IMPACT: variants seen among roughly 807,000 people sequenced by gnomAD.
The protein encoded by IMPACT is impact RWD domain protein.
Under a neutral mutation model 47.5 loss-of-function variants are expected in IMPACT, and 35 were observed. The ratio of observed to expected loss-of-function variants is 0.74; its 90% CI spans 0.56 to 0.98. The LOEUF (loss-of-function observed/expected upper bound fraction) is 0.98. Among genes scored for constraint, IMPACT ranks in the 50% least tolerant of loss-of-function variants. The probability of loss-of-function intolerance (pLI) is 0.00; values close to 1 mark genes in which losing one functional copy is unlikely to be tolerated. For missense variants in IMPACT, 373 were observed against 394.8 expected, an observed-to-expected ratio of 0.94 and a Z score of 0.47; for synonymous variants, 118 against 125.6, an observed-to-expected ratio of 0.94 and a Z score of 0.40.
intron 4 of IMPACT, among the ~76,000 whole-genome samples, chr18:24,433,358 C>T (rs1189598082): frequency 6.7e-6 from 1 of 149,660 alleles, no homozygotes; most frequent in Non-Finnish European, 1.5e-5. Context: ...CGCCACCGCG[C>T]CCGGCTAATT....
At chr18:24,438,132 G>A (rs1406472305) in intron 5 of IMPACT, 92 bp downstream of exon 5, 2 of 641,526 alleles carry the variant, frequency 3.1e-6, no homozygotes, top group African/African-American at 3.8e-5. Context: ...GTGAAAATCT[G>A]TATTCTGGTT....
At chr18:24,441,478 G>T (rs539065839) in intron 6 of IMPACT, among the ~76,000 whole-genome samples, 1 of 152,108 alleles carries the variant, frequency 6.6e-6, no homozygotes, top group Non-Finnish European at 1.5e-5. Context: ...CACCACGCCC[G>T]GCCTAGTTTT....
intron 6 of IMPACT, among the ~76,000 whole-genome samples, chr18:24,442,222 C>T (rs1040312347): frequency 4.5e-4 from 67 of 147,506 alleles, no homozygotes; most frequent in African/African-American, 1.6e-3. Context: ...GGCACAAACT[C>T]GGCTCACTGC....
At chr18:24,444,395 G>A (rs987871206) in intron 7 of IMPACT, among the ~76,000 whole-genome samples, 2 of 152,164 alleles carry the variant, frequency 1.3e-5, no homozygotes, top group Non-Finnish European at 2.9e-5. Context: ...CCAAATTGGT[G>A]TCCCCAACTC....
chr18:24,439,412 C>T (rs896933569), intron 5 of IMPACT: 7 of 152,162 alleles, frequency 4.6e-5, no homozygotes, highest in Non-Finnish European at 8.8e-5. Context: ...CCGAGGCGGG[C>T]GGATCACGAG....
At position 24,453,456 on chromosome 18, in the gene IMPACT, T is replaced by G. The variant is rs976455802; in HGVS notation, c.*2609T>G. 3 of 152,226 alleles carry G rather than the reference T, an allele frequency of 2.0e-5. No individual in the cohort carries two copies. The highest frequency in any genetic ancestry group is 2.9e-5 in the Non-Finnish European group (2 of 68,034). 9.4% of individuals were successfully genotyped at this position (152,226 alleles called of 1,614,324 possible). A position where few individuals can be genotyped will look rare whatever the true frequency, so the allele number is the denominator to read the frequency against. ...ATGGTATTAAACTGTATATACTGTT[T>G]TGTAGCCTACATATTTCATATAGAA... is the stretch of plus-strand genomic sequence containing the variant. On this transcript the variant is annotated 3_prime_UTR_variant, in exon 11 of 11. Transcript: ENST00000284202.
chr18:24,436,001 A>G (rs1908928299), intron 4 of IMPACT, among the ~76,000 whole-genome samples: 1 of 152,172 alleles, frequency 6.6e-6, no homozygotes, highest in South Asian at 2.1e-4. Flanking sequence ...AGAGATGGAG[A>G]AGGAATTTAC....
At chr18:24,438,847 G>T (rs1463008169) in intron 5 of IMPACT, among the ~76,000 whole-genome samples, 1 of 152,074 alleles carries the variant, frequency 6.6e-6, no homozygotes, top group Non-Finnish European at 1.5e-5. Context: ...CACTGTAAAT[G>T]CTGTAGTCAG....
chr18:24,450,573 T>A (rs1340889374), intron 10 of IMPACT, among the ~76,000 whole-genome samples: 1 of 152,146 alleles, frequency 6.6e-6, no homozygotes, highest in Non-Finnish European at 1.5e-5. Context: ...TTAAAAAATA[T>A]TAGCCTATAA....
At chr18:24,444,403 C>G (rs1388588022) in intron 7 of IMPACT, among the ~76,000 whole-genome samples, 1 of 152,330 alleles carries the variant, frequency 6.6e-6, no homozygotes, top group East Asian at 1.9e-4. Context: ...GTGTCCCCAA[C>G]TCTAGCTCAG....
chr18:24,430,051 A>G lies in IMPACT; in HGVS notation c.219-271A>G, dbSNP rs1368312594. 2.0e-5 allele frequency among the ~76,000 whole-genome samples: 3 copies of G among 152,302 alleles called. No homozygotes were observed. The East Asian group carries it at 5.8e-4, about 29-fold the overall frequency. ...CTCGGCCTCCCAAAGTGCTGGGATT[A>G]CAGGCATGAGCCACCACGCCTGGCC... On this transcript the variant is annotated intron_variant, in intron 3 of 10. Coordinates refer to ENST00000284202, the MANE Select transcript of IMPACT (RefSeq NM_018439.4).
At chr18:24,433,684 T>A (rs1342062807) in intron 4 of IMPACT, among the ~76,000 whole-genome samples, 1 of 149,806 alleles carries the variant, frequency 6.7e-6, no homozygotes, top group African/African-American at 2.5e-5. Context: ...TTTTTTTTTT[T>A]TTCTGAGACC....
chr18:24,438,651 C>T (rs868057426), intron 5 of IMPACT, among the ~76,000 whole-genome samples: 3 of 152,234 alleles, frequency 2.0e-5, no homozygotes, highest in Admixed American at 1.3e-4. Flanking sequence ...ATTTTTTCTA[C>T]AGACGAGGTC....
At chr18:24,447,128 G>C (rs1431589271) in intron 8 of IMPACT, among the ~76,000 whole-genome samples, 1 of 152,180 alleles carries the variant, frequency 6.6e-6, no homozygotes, top group Non-Finnish European at 1.5e-5. Flanking sequence ...ATAGTAGATG[G>C]TCAGTAAATA....
chr18:24,432,107 C>T (rs1039792488), intron 4 of IMPACT, among the ~76,000 whole-genome samples: 4 of 152,142 alleles, frequency 2.6e-5, no homozygotes, highest in Non-Finnish European at 4.4e-5. Flanking sequence ...CTGCCTTGGC[C>T]TCCCAAGGTG....
At chr18:24,428,117 C>A in intron 2 of IMPACT, 70 bp downstream of exon 2, 1 of 1,319,900 alleles carries the variant, frequency 7.6e-7, no homozygotes, top group Non-Finnish European at 1.0e-6. Flanking sequence ...CTTCTGTATT[C>A]TAATGATTGT....
At chr18:24,435,991 A>C (rs1822660990) in intron 4 of IMPACT, among the ~76,000 whole-genome samples, 1 of 152,186 alleles carries the variant, frequency 6.6e-6, no homozygotes, top group South Asian at 2.1e-4. Flanking sequence ...TATATCTCAA[A>C]GAGATGGAGA....
intron 4 of IMPACT, among the ~76,000 whole-genome samples, chr18:24,435,192 A>G (rs1048109229): frequency 3.3e-5 from 5 of 152,058 alleles, no homozygotes; most frequent in Non-Finnish European, 7.4e-5. Flanking sequence ...CTTGTCTGAA[A>G]TTCCTGGCCT....
In IMPACT at chr18:24,442,150, C is replaced by CTT. The variant is rs397965432; in HGVS notation, c.491-880_491-879dup. 8.8e-3 allele frequency among the ~76,000 whole-genome samples: 1,022 copies of CTT among 116,432 alleles called. 30 individuals are homozygous for CTT. The highest frequency in any genetic ancestry group is 0.027 in the African/African-American group (826 of 30,928). 76.4% of individuals were successfully genotyped at this position (116,432 alleles called of 152,430 possible). A position where few individuals can be genotyped will look rare whatever the true frequency, so the allele number is the denominator to read the frequency against. On this transcript the variant is annotated intron_variant, in intron 6 of 10. Transcript: ENST00000284202. ...CAGAATTGAGGGTTAATTAGTGATTCTTTTTTTTTTTTTTTTTTTTGGAGA... is the reference window on the plus strand; with the variant it reads ...CAGAATTGAGGGTTAATTAGTGATTCTTTTTTTTTTTTTTTTTTTTTTGGAGA...
Sources: gnomAD v4.1 joint callset for allele counts (sites outside exome capture counted in the v4.1 genomes callset) on GRCh38, gnomAD v4.1.1 for gene constraint, MANE v1.5 for transcripts, NCBI Gene and HGNC (gene_info 2026-07-23, HGNC 2026-07-21) for gene names.